Variants in ANGPT1 observed in about 807,000 individuals in gnomAD.
ANGPT1 encodes the protein angiopoietin-1.
In ANGPT1, 17 loss-of-function variants were observed where a neutral mutation model predicts 62.2. That is an observed-to-expected ratio of 0.27 (90% CI 0.19 to 0.41). ANGPT1 has a LOEUF of 0.41. Among genes scored for constraint, ANGPT1 ranks in the 10% least tolerant of loss-of-function variants. The probability of loss-of-function intolerance (pLI) is 1.00; values close to 1 mark genes in which losing one functional copy is unlikely to be tolerated. For missense variants in ANGPT1, 478 were observed against 594.9 expected (o/e 0.80, Z 2.04); for synonymous variants, 199 against 198.9 (o/e 1.00, Z 0.00).
Position 107,278,009 on chromosome 8 carries a change from T to C in ANGPT1, c.1205+6673A>G, listed in dbSNP as rs1243851049. 2.0e-5 allele frequency among the ~76,000 whole-genome samples: 3 copies of C among 152,128 alleles called. No homozygotes were observed. In the East Asian group the frequency reaches 5.8e-4, roughly 29 times the overall value. ...GAATATATAATTAAAAATTGTTTAT[T>C]GACTCAATAATATATTTCTTGGGCA... On this transcript the variant is annotated intron_variant, in intron 7 of 8. Coordinates refer to ENST00000517746, the MANE Select transcript of ANGPT1 (RefSeq NM_001146.5).
chr8:107,345,448 G>A (rs148708424), intron 2 of ANGPT1, among the ~76,000 whole-genome samples: 39 of 152,040 alleles, frequency 2.6e-4, no homozygotes, highest in African/African-American at 9.2e-4. Flanking sequence ...CAACTGCTAG[G>A]TAGACAGAGA....
At chr8:107,359,057 T>A (rs983252133) in intron 1 of ANGPT1, among the ~76,000 whole-genome samples, 1 of 152,214 alleles carries the variant, frequency 6.6e-6, no homozygotes, top group Admixed American at 6.5e-5. Context: ...CCTTATTGCA[T>A]GATTTCTTCA....
intron 1 of ANGPT1, among the ~76,000 whole-genome samples, chr8:107,377,072 T>G (rs987236816): frequency 2.0e-5 from 3 of 152,140 alleles, no homozygotes; most frequent in African/African-American, 7.2e-5. Context: ...AGTGTAAGGA[T>G]GAAGCTTAAA....
At chr8:107,465,357 ATGT>A (rs1321593844) in intron 1 of ANGPT1, among the ~76,000 whole-genome samples, 4 of 152,302 alleles carry the variant, frequency 2.6e-5, no homozygotes, top group East Asian at 1.9e-4. Flanking sequence ...AGGTCTGGAA[ATGT>A]TGTTACCTTG....
intron 1 of ANGPT1, among the ~76,000 whole-genome samples, chr8:107,451,668 T>C (rs1211669213): frequency 6.6e-6 from 1 of 151,890 alleles, no homozygotes. Flanking sequence ...AACTGGGGCA[T>C]AGAATGGGAA....
At chr8:107,295,767 T>G (rs1814398408) in intron 5 of ANGPT1, among the ~76,000 whole-genome samples, 1 of 152,132 alleles carries the variant, frequency 6.6e-6, no homozygotes, top group African/African-American at 2.4e-5. Context: ...TATCGAGCAC[T>G]TCGAGATGAT....
At chr8:107,289,856 C>T (rs1441261003) in intron 6 of ANGPT1, among the ~76,000 whole-genome samples, 1 of 152,116 alleles carries the variant, frequency 6.6e-6, no homozygotes, top group Admixed American at 6.6e-5. Context: ...TGGGTACTAT[C>T]TGGAACTCCT....
chr8:107,490,865 T>C, intron 1 of ANGPT1, among the ~76,000 whole-genome samples: 1 of 152,204 alleles, frequency 6.6e-6, no homozygotes, highest in East Asian at 1.9e-4. Context: ...CAATAAAGCT[T>C]TATTTACAAA....
rs184243078 is a variant in ANGPT1, at chr8:107,375,936, G to T, written c.298-28839C>A. On this transcript the variant is annotated intron_variant, in intron 1 of 8. Coordinates refer to ENST00000517746, the MANE Select transcript of ANGPT1 (RefSeq NM_001146.5). ...CATTGTTCTAGAATATGACCCAATT[G>T]GATTTGTATATTTTACTATTCTTGA... 2.1e-3 allele frequency among the ~76,000 whole-genome samples: 326 copies of T among 152,218 alleles called. 3 individuals carry two copies. The highest frequency in any genetic ancestry group is 7.1e-3 in the African/African-American group (295 of 41,534).
chr8:107,387,101 C>T (rs1056848164), intron 1 of ANGPT1, among the ~76,000 whole-genome samples: 33 of 152,072 alleles, frequency 2.2e-4, no homozygotes, highest in Admixed American at 2.0e-3. Context: ...GTGCACAGCA[C>T]TGTGAAAACA....
chr8:107,414,949 A>T (rs1440364769), intron 1 of ANGPT1, among the ~76,000 whole-genome samples: 2 of 152,184 alleles, frequency 1.3e-5, no homozygotes, highest in Admixed American at 6.5e-5. Flanking sequence ...GTATTAAAAA[A>T]TGGCTTTGAA....
chr8:107,267,988 C>T (rs998834139), intron 7 of ANGPT1, among the ~76,000 whole-genome samples: 1 of 152,064 alleles, frequency 6.6e-6, no homozygotes, highest in African/African-American at 2.4e-5. Context: ...CCAAGTATAA[C>T]CTCAAAGAGC....
chr8:107,389,425 G>A (rs896275559), intron 1 of ANGPT1, among the ~76,000 whole-genome samples: 4 of 152,126 alleles, frequency 2.6e-5, no homozygotes, highest in Non-Finnish European at 5.9e-5. Context: ...TAATTCTGCA[G>A]GGGGACGGGA....
intron 1 of ANGPT1, among the ~76,000 whole-genome samples, chr8:107,436,201 T>G (rs2130419556): frequency 6.6e-6 from 1 of 152,336 alleles, no homozygotes; most frequent in Admixed American, 6.5e-5. Context: ...CCACAGTGCC[T>G]GGCCAATACT....
At chr8:107,401,841 A>T (rs905942864) in intron 1 of ANGPT1, among the ~76,000 whole-genome samples, 1 of 152,232 alleles carries the variant, frequency 6.6e-6, no homozygotes, top group Non-Finnish European at 1.5e-5. Flanking sequence ...CTCTAAAAAA[A>T]TCAGTGTGTA....
intron 1 of ANGPT1, among the ~76,000 whole-genome samples, chr8:107,417,650 G>A (rs891028789): frequency 6.6e-6 from 1 of 152,078 alleles, no homozygotes; most frequent in South Asian, 2.1e-4. Context: ...GTTAAATGGG[G>A]CTTATCTCAT....
At chr8:107,397,171 A>G (rs1201056513) in intron 1 of ANGPT1, among the ~76,000 whole-genome samples, 1 of 152,162 alleles carries the variant, frequency 6.6e-6, no homozygotes, top group Non-Finnish European at 1.5e-5. Context: ...TTGCTTTTTA[A>G]GTTAGCACAA....
chr8:107,488,661 CT>C (rs1812879045), intron 1 of ANGPT1, among the ~76,000 whole-genome samples: 1 of 151,986 alleles, frequency 6.6e-6, no homozygotes, highest in African/African-American at 2.4e-5. Flanking sequence ...AACCTTATAC[CT>C]TTGTTCTTAT....
chr8:107,463,019 C>T (rs528387769), intron 1 of ANGPT1, among the ~76,000 whole-genome samples: 28 of 152,186 alleles, frequency 1.8e-4, no homozygotes, highest in East Asian at 1.4e-3. Context: ...TCCCCTCCCC[C>T]GGTGCATGGA....
Sources: allele counts gnomAD v4.1 joint callset (sites outside exome capture counted in the v4.1 genomes callset), GRCh38; gene constraint gnomAD v4.1.1; transcripts MANE v1.5; gene names NCBI Gene and HGNC (gene_info 2026-07-23, HGNC 2026-07-21).